The following ARHGEF12 variants were observed in gnomAD, a reference collection of about 807,000 sequenced individuals.
ARHGEF12 encodes the protein Rho guanine nucleotide exchange factor 12.
In ARHGEF12, 66 loss-of-function variants were observed where a neutral mutation model predicts 211.2. That is an observed-to-expected ratio of 0.31 (90% CI 0.26 to 0.38). The LOEUF (loss-of-function observed/expected upper bound fraction) is 0.38, where lower values mean the gene tolerates loss of function less well. Among genes scored for constraint, ARHGEF12 ranks in the 10% least tolerant of loss-of-function variants. ARHGEF12 has a pLI of 1.00. For synonymous variants in ARHGEF12, 592 were observed against 638.4 expected, an observed-to-expected ratio of 0.93 and a Z score of 1.09; for missense variants, 1,429 against 1,869.5, an observed-to-expected ratio of 0.76 and a Z score of 4.34.
chr11:120,362,574 A>G (rs1356308970), intron 1 of ARHGEF12, among the ~76,000 whole-genome samples: 1 of 152,254 alleles, frequency 6.6e-6, no homozygotes, highest in African/African-American at 2.4e-5. Flanking sequence ...TTCTATAAAC[A>G]GTGAGTTGTG....
At chr11:120,427,149 T>A (rs1945369570) in intron 7 of ARHGEF12, among the ~76,000 whole-genome samples, 1 of 152,130 alleles carries the variant, frequency 6.6e-6, no homozygotes, top group African/African-American at 2.4e-5. Flanking sequence ...GTGCTGAGAT[T>A]ACAGGCATGA....
intron 11 of ARHGEF12, among the ~76,000 whole-genome samples, chr11:120,434,976 C>T (rs2135745097): frequency 6.6e-6 from 1 of 152,264 alleles, no homozygotes; most frequent in African/African-American, 2.4e-5. Flanking sequence ...ATTAATATGT[C>T]TCTCTCTAAG....
chr11:120,431,757 T>C lies in ARHGEF12; in HGVS notation c.784-14T>C, dbSNP rs141704330. 4,615 of 1,560,138 alleles carry C rather than the reference T, an allele frequency of 3.0e-3. 15 individuals carry two copies. Among genetic ancestry groups the C allele is most frequent in the Middle Eastern group, 1.0e-2 (58 of 5,818 alleles). ...TGTGTTTGTGTGCGCGTGTTTTTCT[T>C]TCATCTGTTTTAGGATGGAGCTGTA... On this transcript the variant is annotated splice_polypyrimidine_tract_variant and intron_variant, in intron 10 of 40. Transcript: ENST00000397843.
chr11:120,339,009 T>C (rs111505958), intron 1 of ARHGEF12, among the ~76,000 whole-genome samples: 29 of 148,274 alleles, frequency 2.0e-4, no homozygotes, highest in East Asian at 5.8e-4. Context: ...CTTTTTCTTT[T>C]TTTTTTTTTT....
rs1423688526 is a variant in ARHGEF12, at chr11:120,451,668, C to T, written c.2000C>T (p.Ser667Phe). Reference sequence around the variant, plus strand: ...GGATACCTGCCTGCCAATTCCATGTCTTCTGTAGCTTCAGGGGCCTCTTTT... The same window carrying T: ...GGATACCTGCCTGCCAATTCCATGTTTTCTGTAGCTTCAGGGGCCTCTTTT... ...DAGYLPANSMSSVASGASFSQ... is the reference protein window; with the variant it reads ...DAGYLPANSMFSVASGASFSQ... The change falls in exon 22 of 41, where the codon TCT becomes TTT. Residue 667 changes from serine to phenylalanine, a missense_variant. Ser to Phe is a radical substitution (Grantham distance 155, BLOSUM62 -2). Coordinates refer to ENST00000397843, the MANE Select transcript of ARHGEF12 (RefSeq NM_015313.3). 2.5e-6 allele frequency: 4 copies of T among 1,613,986 alleles called. No individual in the cohort carries two copies. Among genetic ancestry groups the T allele is most frequent in the Non-Finnish European group, 3.4e-6 (4 of 1,180,018 alleles).
intron 12 of ARHGEF12, 101 bp downstream of exon 12, chr11:120,437,483 T>G: frequency 1.3e-6 from 1 of 792,816 alleles, no homozygotes; most frequent in South Asian, 4.4e-5. Context: ...TATTTTTTAT[T>G]TTTTGGAAAA....
At chr11:120,338,109 A>C (rs1591470752) in intron 1 of ARHGEF12, among the ~76,000 whole-genome samples, 1 of 152,236 alleles carries the variant, frequency 6.6e-6, no homozygotes, top group Non-Finnish European at 1.5e-5. Flanking sequence ...TTTATAGGGT[A>C]AGGGATAAAA....
chr11:120,417,863 A>G (rs1159811540), intron 4 of ARHGEF12, among the ~76,000 whole-genome samples: 1 of 152,176 alleles, frequency 6.6e-6, no homozygotes, highest in Non-Finnish European at 1.5e-5. Flanking sequence ...CTTGATTTAT[A>G]TATTCATATC....
Position 120,488,593 on chromosome 11 carries a change from A to G in ARHGEF12, c.*3516A>G. On this transcript the variant is annotated 3_prime_UTR_variant, in exon 41 of 41. Transcript: ENST00000397843. The stretch of plus-strand genomic sequence containing the variant: ...TGATAATAAATTGGTAGGAAAAAAA[A>G]GTACCTCCTAGAAGGAAGCCTTCCC... 4.6e-6 allele frequency: 1 copy of G among 218,978 alleles called. No homozygotes were observed. Among genetic ancestry groups the G allele is most frequent in the Non-Finnish European group, 9.2e-6 (1 of 108,948 alleles). 13.6% of individuals were successfully genotyped at this position (218,978 alleles called of 1,614,324 possible).
At chr11:120,381,024 T>A (rs114738383) in intron 1 of ARHGEF12, among the ~76,000 whole-genome samples, 2,012 of 152,300 alleles carry the variant, frequency 0.013, 54 homozygotes, top group African/African-American at 0.046. Context: ...TCCAGGCTCA[T>A]CTTGTATTTT....
chr11:120,399,458 TTGA>T (rs2135539753), intron 1 of ARHGEF12, among the ~76,000 whole-genome samples: 1 of 152,148 alleles, frequency 6.6e-6, no homozygotes, highest in Non-Finnish European at 1.5e-5. Flanking sequence ...CTGGGTTTCC[TTGA>T]TGATTTTTTG....
intron 1 of ARHGEF12, among the ~76,000 whole-genome samples, chr11:120,374,083 A>T (rs1943661369): frequency 6.6e-6 from 1 of 152,212 alleles, no homozygotes. Flanking sequence ...CTGGGATTAC[A>T]GGCGTGAGCC....
At chr11:120,399,634 C>T (rs143597944) in intron 1 of ARHGEF12, among the ~76,000 whole-genome samples, 2 of 151,994 alleles carry the variant, frequency 1.3e-5, no homozygotes, top group Admixed American at 1.3e-4. Flanking sequence ...TTCCCTTCTC[C>T]TGAGATTTCA....
intron 10 of ARHGEF12, among the ~76,000 whole-genome samples, 192 bp downstream of exon 10, chr11:120,430,023 C>G (rs1216095326): frequency 6.6e-6 from 1 of 152,094 alleles, no homozygotes; most frequent in African/African-American, 2.4e-5. Context: ...TTTGCTTGCT[C>G]ATGAGATCAC....
intron 5 of ARHGEF12, 116 bp downstream of exon 5, chr11:120,420,967 T>C (rs1945167346): frequency 4.6e-6 from 4 of 875,312 alleles, no homozygotes; most frequent in Admixed American, 2.2e-5. Flanking sequence ...TCATGTGGAC[T>C]ATTGTGCTAG....
chr11:120,365,126 G>T (rs1327548072), intron 1 of ARHGEF12, among the ~76,000 whole-genome samples: 3 of 152,054 alleles, frequency 2.0e-5, no homozygotes, highest in Non-Finnish European at 4.4e-5. Flanking sequence ...TGAGATTATA[G>T]ATGAATTTTG....
In ARHGEF12 at chr11:120,487,828, G is replaced by A. The variant is rs1406891033; in HGVS notation, c.*2751G>A. On this transcript the variant is annotated 3_prime_UTR_variant, in exon 41 of 41. Coordinates refer to ENST00000397843, the MANE Select transcript of ARHGEF12 (RefSeq NM_015313.3). ...TCCTTTTCAGAGAACAGTTAATCAA[G>A]GCAAATCAGCAAGCCCCCAAAGTGC... The A allele has an allele frequency of 9.1e-6, 2 of 219,868 alleles. No individual in the cohort carries two copies. The highest frequency in any genetic ancestry group is 4.5e-5 in the African/African-American group (2 of 44,538). The allele number at this position is 219,868 out of a possible 1,614,324, so 13.6% of individuals were successfully genotyped here. A position where few individuals can be genotyped will look rare whatever the true frequency, so the allele number is the denominator to read the frequency against.
intron 1 of ARHGEF12, among the ~76,000 whole-genome samples, chr11:120,367,071 A>C (rs1943443975): frequency 6.6e-6 from 1 of 152,002 alleles, no homozygotes; most frequent in African/African-American, 2.4e-5. Context: ...AGGGTTGAGT[A>C]GTTTTAAGAA....
At chr11:120,397,643 G>T (rs921773349) in intron 1 of ARHGEF12, among the ~76,000 whole-genome samples, 4 of 152,098 alleles carry the variant, frequency 2.6e-5, no homozygotes, top group Non-Finnish European at 5.9e-5. Context: ...TGATTTGGAA[G>T]TTCAATATAT....
Sources: gnomAD v4.1 joint callset for allele counts (sites outside exome capture counted in the v4.1 genomes callset) on GRCh38, gnomAD v4.1.1 for gene constraint, MANE v1.5 for transcripts, NCBI Gene and HGNC (gene_info 2026-07-23, HGNC 2026-07-21) for gene names.